The following PTPRM variants were observed in gnomAD, a reference collection of about 807,000 sequenced individuals.
The protein encoded by PTPRM is receptor-type tyrosine-protein phosphatase mu.
In PTPRM, 47 loss-of-function variants were observed where a neutral mutation model predicts 186.7. That is an observed-to-expected ratio of 0.25 (90% CI 0.20 to 0.32). The LOEUF is 0.32. Among genes scored for constraint, PTPRM ranks in the 10% least tolerant of loss-of-function variants. The pLI, the probability that PTPRM is intolerant of heterozygous loss-of-function variation, is 1.00. For missense variants in PTPRM, 1,494 were observed against 1,865.0 expected (o/e 0.80, Z 3.66); for synonymous variants, 668 against 674.9 (o/e 0.99, Z 0.16).
chr18:7,985,140 TATA>T (rs1281521620), intron 7 of PTPRM, among the ~76,000 whole-genome samples: 1 of 130,208 alleles, frequency 7.7e-6, no homozygotes, highest in African/African-American at 2.9e-5. Context: ...AATATATACA[TATA>T]ATTGTATATA....
intron 5 of PTPRM, among the ~76,000 whole-genome samples, chr18:7,939,029 A>G (rs115294093): frequency 0.023 from 3,479 of 152,274 alleles, 50 homozygotes; most frequent in African/African-American, 0.044. Flanking sequence ...CTTATGGGCT[A>G]TATAAAGGTA....
chr18:7,680,825 G>A (rs2039463494), intron 1 of PTPRM, among the ~76,000 whole-genome samples: 1 of 152,194 alleles, frequency 6.6e-6, no homozygotes, highest in Admixed American at 6.5e-5. Context: ...CCCATAAGGG[G>A]CTAAGTGTGG....
intron 2 of PTPRM, among the ~76,000 whole-genome samples, chr18:7,821,380 G>A (rs449971): frequency 0.051 from 7,738 of 152,018 alleles, 676 homozygotes; most frequent in African/African-American, 0.18. Context: ...TCTTGTTGCC[G>A]AATGTGATAA....
chr18:7,601,944 C>T (rs2037413187), intron 1 of PTPRM, among the ~76,000 whole-genome samples: 1 of 152,096 alleles, frequency 6.6e-6, no homozygotes, highest in East Asian at 1.9e-4. Flanking sequence ...ACTACAGAAA[C>T]AGTATATAGT....
At chr18:7,774,406 T>G in intron 2 of PTPRM, 135 bp downstream of exon 2, 1 of 1,050,710 alleles carries the variant, frequency 9.5e-7, no homozygotes, top group South Asian at 1.5e-5. Flanking sequence ...GATTAGCTAG[T>G]GAGAGTGGTG....
At chr18:8,207,895 G>A (rs566158703) in intron 14 of PTPRM, among the ~76,000 whole-genome samples, 2 of 152,340 alleles carry the variant, frequency 1.3e-5, no homozygotes, top group African/African-American at 4.8e-5. Context: ...GTGTATGTTT[G>A]TGTGTGTTAG....
At chr18:7,644,086 G>A (rs2038506328) in intron 1 of PTPRM, among the ~76,000 whole-genome samples, 1 of 151,968 alleles carries the variant, frequency 6.6e-6, no homozygotes, top group Non-Finnish European at 1.5e-5. Context: ...CTCTTAAAAG[G>A]TCCAATGAAT....
At chr18:7,859,908 A>G (rs1453122453) in intron 2 of PTPRM, among the ~76,000 whole-genome samples, 2 of 152,088 alleles carry the variant, frequency 1.3e-5, no homozygotes, top group Non-Finnish European at 2.9e-5. Context: ...ATTTACATGG[A>G]AGCCAGGAAG....
chr18:8,263,183 A>G (rs1214833352), intron 19 of PTPRM, among the ~76,000 whole-genome samples: 18 of 151,962 alleles, frequency 1.2e-4, no homozygotes, highest in Non-Finnish European at 2.9e-5. Flanking sequence ...GTCTGGGTTC[A>G]CTGCAACCTC....
At chr18:7,719,904 A>T (rs984317312) in intron 1 of PTPRM, among the ~76,000 whole-genome samples, 1 of 152,218 alleles carries the variant, frequency 6.6e-6, no homozygotes, top group Non-Finnish European at 1.5e-5. Context: ...AAATTAACAT[A>T]CAAAAGTCAA....
At chr18:8,270,773 G>A (rs2147621102) in intron 19 of PTPRM, among the ~76,000 whole-genome samples, 1 of 152,218 alleles carries the variant, frequency 6.6e-6, no homozygotes, top group South Asian at 2.1e-4. Flanking sequence ...ACACTGTATG[G>A]TTTTACTTAC....
intron 14 of PTPRM, among the ~76,000 whole-genome samples, chr18:8,148,388 T>C (rs1021874529): frequency 6.6e-5 from 10 of 152,240 alleles, no homozygotes; most frequent in Admixed American, 2.6e-4. Context: ...AGGGTGTATG[T>C]GTCCAGGAAT....
chr18:8,016,199 T>G (rs528227632), intron 7 of PTPRM, among the ~76,000 whole-genome samples: 1 of 152,108 alleles, frequency 6.6e-6, no homozygotes, highest in Non-Finnish European at 1.5e-5. Flanking sequence ...ATATTTGACA[T>G]AAACATCATA....
intron 1 of PTPRM, among the ~76,000 whole-genome samples, chr18:7,724,739 AGATTTGGTGG>A (rs2040512125): frequency 6.6e-6 from 1 of 152,248 alleles, no homozygotes; most frequent in African/African-American, 2.4e-5. Context: ...GTAGTATTAA[AGATTTGGTGG>A]CTGTTCCTCG....
At chr18:8,066,649 C>T (rs1267803595) in intron 7 of PTPRM, among the ~76,000 whole-genome samples, 2 of 152,154 alleles carry the variant, frequency 1.3e-5, no homozygotes, top group Non-Finnish European at 2.9e-5. Flanking sequence ...AAATACTCTG[C>T]AAAAGCTTCC....
intron 9 of PTPRM, among the ~76,000 whole-genome samples, chr18:8,082,337 A>G (rs2090170987): frequency 6.6e-6 from 1 of 152,190 alleles, no homozygotes; most frequent in South Asian, 2.1e-4. Flanking sequence ...AATAGTCACA[A>G]CACAGGCATT....
At chr18:8,277,796 TGCTACTAGGAGA>T (rs1359466606) in intron 19 of PTPRM, among the ~76,000 whole-genome samples, 1 of 152,228 alleles carries the variant, frequency 6.6e-6, no homozygotes, top group African/African-American at 2.4e-5. Context: ...ATCATAGCTA[TGCTACTAGGAGA>T]GCTATACTTT....
chr18:8,365,569 T>C (rs2095623747), intron 23 of PTPRM, among the ~76,000 whole-genome samples: 1 of 152,256 alleles, frequency 6.6e-6, no homozygotes, highest in African/African-American at 2.4e-5. Flanking sequence ...AAACCACCTA[T>C]TGTGTTGGGA....
chr18:7,653,339 G>C (rs773253992), intron 1 of PTPRM, among the ~76,000 whole-genome samples: 9 of 152,002 alleles, frequency 5.9e-5, no homozygotes, highest in Non-Finnish European at 1.0e-4. Flanking sequence ...TAACTTTTAA[G>C]TTCTAGGGTA....
Sources: gnomAD v4.1 joint callset for allele counts (sites outside exome capture counted in the v4.1 genomes callset) on GRCh38, gnomAD v4.1.1 for gene constraint, MANE v1.5 for transcripts, NCBI Gene and HGNC (gene_info 2026-07-23, HGNC 2026-07-21) for gene names.